SYNM: variants seen among roughly 807,000 people sequenced by gnomAD.
The protein encoded by SYNM is desmuslin.
In SYNM, 95 loss-of-function variants were observed where a neutral mutation model predicts 104.0. The observed-to-expected ratio is 0.91, with a 90% CI of 0.77 to 1.08. The LOEUF is 1.08. Ranked by LOEUF, SYNM falls within the 50% of genes least tolerant of loss-of-function variation. The pLI, the probability that SYNM is intolerant of heterozygous loss-of-function variation, is 0.00. For missense variants in SYNM, 2,150 were observed against 2,052.2 expected (o/e 1.05, Z -0.92); for synonymous variants, 918 against 869.0 (o/e 1.06, Z -0.99).
Position 99,105,543 on chromosome 15 carries a change from C to T in SYNM, c.344C>T (p.Ala115Val), listed in dbSNP as rs782647218. The part of the protein sequence containing the change: ...ARGRLDAELG[A>V]QQRELQEALG... Reference sequence around the variant, plus strand: ...GGCCGCCTGGACGCCGAGCTGGGTGCGCAGCAGCGCGAGCTGCAGGAGGCG... The same window carrying T: ...GGCCGCCTGGACGCCGAGCTGGGTGTGCAGCAGCGCGAGCTGCAGGAGGCG... The change falls in exon 1 of 4, where the codon GCG becomes GTG. Residue 115 changes from alanine to valine, a missense_variant. Physicochemically the swap from Ala to Val is moderately conservative, Grantham distance 64. Transcript: ENST00000336292. The T allele has an allele frequency of 1.2e-4, 143 of 1,214,544 alleles. No homozygotes were observed. Among genetic ancestry groups the T allele is most frequent in the Admixed American group, 1.3e-4 (3 of 22,462 alleles). The allele number at this position is 1,214,544 out of a possible 1,614,324, so 75.2% of individuals were successfully genotyped here.
rs545107363 is a variant in SYNM at position 99,132,421 on chromosome 15, C to T, written c.4061C>T (p.Ala1354Val). Residue 1354 changes from alanine to valine, a missense_variant, in exon 4 of 4, where the codon GCC becomes GTC. Ala to Val is a moderately conservative substitution (Grantham distance 64, BLOSUM62 0). Transcript: ENST00000336292. Reference protein sequence around the residue: ...HGEGSADVHQATHSHTSGRQT... With the variant: ...HGEGSADVHQVTHSHTSGRQT... ...GAGGGCTCAGCAGATGTGCACCAGGCCACTCACAGTCATACCTCGGGTAGA... is the reference window on the plus strand; with the variant it reads ...GAGGGCTCAGCAGATGTGCACCAGGTCACTCACAGTCATACCTCGGGTAGA... 2 of 1,613,974 alleles carry T rather than the reference C, an allele frequency of 1.2e-6. No homozygotes were observed. Among genetic ancestry groups the T allele is most frequent in the East Asian group, 4.5e-5 (2 of 44,878 alleles).
At chr15:99,125,112 A>T (rs1227721268) in intron 2 of SYNM, among the ~76,000 whole-genome samples, 1 of 152,204 alleles carries the variant, frequency 6.6e-6, no homozygotes, top group Non-Finnish European at 1.5e-5. Context: ...GGGCAGCTCA[A>T]GGGAGAGGCC....
chr15:99,132,257 AG>A lies in SYNM; in HGVS notation c.3900del (p.Leu1301CysfsTer24). ...GVIGDSVHME[G>X]LPGSSTSIRH... ...TCATAGGAGATTCTGTACACATGGA[AG>A]GGTTGCCAGGGAGCAGCACATCCAT... On this transcript the variant is annotated frameshift_variant, in exon 4 of 4. Coordinates refer to ENST00000336292, the MANE Select transcript of SYNM (RefSeq NM_145728.3). LOFTEE classifies it high-confidence loss of function. 1 of 1,608,268 alleles carries A rather than the reference AG, an allele frequency of 6.2e-7. No homozygotes were observed. The highest frequency in any genetic ancestry group is 8.5e-7 in the Non-Finnish European group (1 of 1,176,002).
intron 2 of SYNM, among the ~76,000 whole-genome samples, chr15:99,114,273 A>AG (rs1555483701): frequency 8.0e-4 from 121 of 151,552 alleles, no homozygotes; most frequent in African/African-American, 2.7e-3. Flanking sequence ...GTGGCAGGAG[A>AG]GAGAGAGAGC....
At position 99,113,592 on chromosome 15, in the gene SYNM, G is replaced by C; in HGVS notation, c.812G>C (p.Arg271Thr). The C allele has an allele frequency of 6.2e-7, 1 of 1,613,270 alleles. No homozygotes were observed. The highest frequency in any genetic ancestry group is 8.5e-7 in the Non-Finnish European group (1 of 1,179,598). The change falls in exon 2 of 4, where the codon AGA becomes ACA. Residue 271 changes from arginine to threonine, a missense_variant and splice_region_variant. Coordinates refer to ENST00000336292, the MANE Select transcript of SYNM (RefSeq NM_145728.3). Reference protein sequence around the residue: ...EYGIQAEERQRVIDCLEDEKA... With the variant: ...EYGIQAEERQTVIDCLEDEKA... ...TAAAAGTCTGTCTATTCTCTTTAGA[G>C]AGTGATTGACTGCCTGGAGGATGAG...
intron 2 of SYNM, among the ~76,000 whole-genome samples, chr15:99,118,882 C>A (rs1268006486): frequency 1.3e-5 from 2 of 152,176 alleles, no homozygotes; most frequent in African/African-American, 4.8e-5. Flanking sequence ...CCTCCCTTTC[C>A]TCCTGCATTG....
chr15:99,131,240 T>C lies in SYNM; in HGVS notation c.2880T>C (p.Leu960=), dbSNP rs782206915. ...VEVIGQLEET[L]PERMREELSA... ...TCATCGGGCAGCTGGAGGAAACCCTTCCCGAGCGCATGAGGGAGGAGCTGT... is the reference window on the plus strand; with the variant it reads ...TCATCGGGCAGCTGGAGGAAACCCTCCCCGAGCGCATGAGGGAGGAGCTGT... Residue 960 remains leucine, a synonymous_variant, in exon 4 of 4, where the codon CTT becomes CTC. Transcript: ENST00000336292. This position sits in a 1 kb window ranked among gnomAD's most constrained non-coding sequence, Gnocchi z 4.3. 3.7e-6 allele frequency: 6 copies of C among 1,608,902 alleles called. No individual in the cohort carries two copies. The African/African-American group carries it at 8.0e-5, about 22-fold the overall frequency.
At chr15:99,135,691 T>C (rs1311017468), downstream of SYNM, 1 of 152,482 alleles carries the variant, frequency 6.6e-6, no homozygotes, top group Non-Finnish European at 1.5e-5. Flanking sequence ...GTTTTTAGGG[T>C]AGCAGAGAAT....
At position 99,133,290 on chromosome 15, in the gene SYNM, A is replaced by C. The variant is rs782634529; in HGVS notation, c.*232A>C. 2.3e-5 allele frequency: 19 copies of C among 814,650 alleles called. No homozygotes were observed. Among genetic ancestry groups the C allele is most frequent in the Non-Finnish European group, 3.4e-5 (19 of 562,108 alleles). The allele number at this position is 814,650 out of a possible 1,614,324, so 50.5% of individuals were successfully genotyped here. Reference sequence around the variant, plus strand: ...TATTTTTGAGTTGGGACTTTTACAAAACACTTTTTTCCCTGGAGTCTTCTC... The same window carrying C: ...TATTTTTGAGTTGGGACTTTTACAACACACTTTTTTCCCTGGAGTCTTCTC... On this transcript the variant is annotated 3_prime_UTR_variant, in exon 4 of 4. Transcript: ENST00000336292.
At chr15:99,118,255 C>T (rs1447350257) in intron 2 of SYNM, among the ~76,000 whole-genome samples, 3 of 152,258 alleles carry the variant, frequency 2.0e-5, no homozygotes, top group Admixed American at 2.0e-4. Context: ...AAACCCTCGT[C>T]ATCCTCGATG....
At chr15:99,118,343 G>C (rs1047631634) in intron 2 of SYNM, among the ~76,000 whole-genome samples, 6 of 152,316 alleles carry the variant, frequency 3.9e-5, no homozygotes, top group African/African-American at 1.2e-4. Context: ...GTGGACTTGC[G>C]CTCTTCTGAC....
chr15:99,133,151 GA>G lies in SYNM; in HGVS notation c.*97del, dbSNP rs1555486303. ...ATTTTAAGAGGCCGAGGGAGTCTAT[GA>G]AAATCTCCCCTTTTTTACTTTTTTA... On this transcript the variant is annotated 3_prime_UTR_variant, in exon 4 of 4. Coordinates refer to ENST00000336292, the MANE Select transcript of SYNM (RefSeq NM_145728.3). The G allele has an allele frequency of 6.5e-7, 1 of 1,533,220 alleles. No homozygotes were observed. Among genetic ancestry groups the G allele is most frequent in the Non-Finnish European group, 8.7e-7 (1 of 1,149,556 alleles). The allele number at this position is 1,533,220 out of a possible 1,614,324, so 95.0% of individuals were successfully genotyped here. A position where few individuals can be genotyped will look rare whatever the true frequency, so the allele number is the denominator to read the frequency against.
In SYNM at chr15:99,132,846, A is replaced by C. The variant is rs1555486229; in HGVS notation, c.4486A>C (p.Arg1496=). Reference sequence around the variant, plus strand: ...TGGTTCCTGGAGAGACGCGGACAGTAGGAATGACCAGGCAGTTGGTGTGAG... The same window carrying C: ...TGGTTCCTGGAGAGACGCGGACAGTCGGAATGACCAGGCAGTTGGTGTGAG... The part of the protein sequence containing the change: ...DRGSWRDADS[R]NDQAVGVSFK... Residue 1496 remains arginine, a synonymous_variant, in exon 4 of 4, where the codon AGG becomes CGG. Transcript: ENST00000336292. 3.1e-6 allele frequency: 5 copies of C among 1,613,954 alleles called. No homozygotes were observed. Among genetic ancestry groups the C allele is most frequent in the East Asian group, 2.2e-5 (1 of 44,874 alleles).
chr15:99,123,168 A>G (rs1415686913), intron 2 of SYNM, among the ~76,000 whole-genome samples: 2 of 152,148 alleles, frequency 1.3e-5, no homozygotes, highest in Non-Finnish European at 2.9e-5. Context: ...AGTGGGTTTG[A>G]GCGGCCTGCC....
chr15:99,105,276 T>A lies in SYNM; in HGVS notation c.77T>A (p.Val26Glu). Residue 26 changes from valine to glutamate, a missense_variant, in exon 1 of 4, where the codon GTG becomes GAG. By Grantham distance (121) the Val-to-Glu change is moderately radical (BLOSUM62 -2). Transcript: ENST00000336292. The stretch of plus-strand genomic sequence containing the variant: ...CTCAACGCCCGGCTCTATGACTACG[T>A]GTGTCGGGTGCGGGAGCTGGAGCGC... ...QELNARLYDY[V>E]CRVRELEREN... The A allele has an allele frequency of 6.4e-7, 1 of 1,558,816 alleles. No homozygotes were observed. Among genetic ancestry groups the A allele is most frequent in the South Asian group, 1.2e-5 (1 of 84,854 alleles).
intron 2 of SYNM, among the ~76,000 whole-genome samples, chr15:99,123,353 G>A (rs1462221624): frequency 2.7e-5 from 4 of 150,104 alleles, no homozygotes; most frequent in Non-Finnish European, 5.9e-5. Flanking sequence ...GCTCTGGGAT[G>A]TGGTTGAATA....
chr15:99,139,020 C>T (rs1388089552), downstream of SYNM: 1 of 446,806 alleles, frequency 2.2e-6, no homozygotes, highest in Non-Finnish European at 4.1e-6. Context: ...CAGGAGGCCA[C>T]AGGGATTCCC....
rs200012774 is a variant in SYNM, at chr15:99,130,925, C to G, written c.2565C>G (p.Ile855Met). ...GCTCGGTGTACGGGCAGATCCACAT[C>G]GAGGAGGAATCCACCATCAGGTACT... ...DDGSVYGQIH[I>M]EEESTIRYSW... Residue 855 changes from isoleucine (I) to methionine (M), a missense_variant, in exon 4 of 4, where the codon ATC (isoleucine) becomes ATG (methionine). Ile to Met is a conservative substitution (Grantham distance 10, BLOSUM62 1). Transcript: ENST00000336292. The G allele has an allele frequency of 3.5e-5, 56 of 1,613,602 alleles. No individual in the cohort carries two copies. The highest frequency in any genetic ancestry group is 4.3e-5 in the Non-Finnish European group (51 of 1,179,834).
intron 1 of SYNM, among the ~76,000 whole-genome samples, chr15:99,108,118 G>C (rs1381179091): frequency 6.6e-6 from 1 of 151,954 alleles, no homozygotes; most frequent in Non-Finnish European, 1.5e-5. Flanking sequence ...GGGAGTACAG[G>C]ATCCCACCAC....
Sources: gnomAD v4.1 joint callset for allele counts (sites outside exome capture counted in the v4.1 genomes callset) on GRCh38, gnomAD v4.1.1 for gene constraint, Gnocchi (gnomAD v3.1) non-coding constraint, MANE v1.5 for transcripts, NCBI Gene and HGNC (gene_info 2026-07-23, HGNC 2026-07-21) for gene names.